The following LHFPL6 variants were observed in gnomAD, a reference collection of about 807,000 sequenced individuals.
LHFPL6 encodes the protein LHFPL tetraspan subfamily member 6 protein.
Under a neutral mutation model 20.6 loss-of-function variants are expected in LHFPL6, and 9 were observed. The ratio of observed to expected loss-of-function variants is 0.44; its 90% CI spans 0.26 to 0.76. The LOEUF (loss-of-function observed/expected upper bound fraction) is 0.76, where lower values mean the gene tolerates loss of function less well. Ranked by LOEUF, LHFPL6 falls within the 30% of genes least tolerant of loss-of-function variation. The probability of loss-of-function intolerance (pLI) is 0.20; values close to 1 mark genes in which losing one functional copy is unlikely to be tolerated. For missense variants in LHFPL6, 218 were observed against 253.5 expected, an observed-to-expected ratio of 0.86 and a Z score of 0.95; for synonymous variants, 105 against 98.7, an observed-to-expected ratio of 1.06 and a Z score of -0.38.
At chr13:39,379,038 C>T (rs374212980) in intron 2 of LHFPL6, among the ~76,000 whole-genome samples, 7 of 152,044 alleles carry the variant, frequency 4.6e-5, no homozygotes, top group South Asian at 2.1e-4. Context: ...AACCTCTGAA[C>T]GGTACTGCCC....
intron 2 of LHFPL6, among the ~76,000 whole-genome samples, chr13:39,547,853 G>A (rs547721219): frequency 1.4e-4 from 21 of 151,976 alleles, no homozygotes; most frequent in Non-Finnish European, 2.8e-4. Flanking sequence ...GTATTTAAAT[G>A]ATCAGAATCA....
chr13:39,524,614 A>G (rs989989914), intron 2 of LHFPL6, among the ~76,000 whole-genome samples: 16 of 152,242 alleles, frequency 1.1e-4, no homozygotes, highest in African/African-American at 3.4e-4. Context: ...CCGGTCATTT[A>G]TAAAACCCCT....
At chr13:39,376,086 T>C (rs1020742182) in intron 3 of LHFPL6, among the ~76,000 whole-genome samples, 4 of 152,152 alleles carry the variant, frequency 2.6e-5, no homozygotes, top group African/African-American at 4.8e-5. Flanking sequence ...GCTGGGGACA[T>C]ACAAAATACT....
chr13:39,533,486 G>A (rs538036893), intron 2 of LHFPL6, among the ~76,000 whole-genome samples: 9 of 152,198 alleles, frequency 5.9e-5, no homozygotes, highest in East Asian at 3.9e-4. Flanking sequence ...GCCCCACATC[G>A]CTTTCACCCA....
intron 2 of LHFPL6, among the ~76,000 whole-genome samples, chr13:39,582,581 T>C (rs139951934): frequency 1.8e-4 from 28 of 152,322 alleles, no homozygotes; most frequent in African/African-American, 6.7e-4. Context: ...GATCTGAACG[T>C]ACCCTTGCCT....
chr13:39,495,779 ATTTTTTTTTTTT>A (rs10558170), intron 2 of LHFPL6, among the ~76,000 whole-genome samples: 3 of 89,542 alleles, frequency 3.4e-5, no homozygotes, highest in East Asian at 2.8e-4. Flanking sequence ...TAACTCAATA[ATTTTTTTTTTTT>A]TTTTTTTTTT....
intron 2 of LHFPL6, among the ~76,000 whole-genome samples, chr13:39,427,442 G>A (rs914549882): frequency 6.6e-6 from 1 of 152,176 alleles, no homozygotes; most frequent in African/African-American, 2.4e-5. Flanking sequence ...AGCTGTGGAA[G>A]TTCCCATCTA....
chr13:39,498,665 T>C (rs1466410882), intron 2 of LHFPL6, among the ~76,000 whole-genome samples: 5 of 152,072 alleles, frequency 3.3e-5, no homozygotes, highest in African/African-American at 1.2e-4. Flanking sequence ...CCCCCAAATA[T>C]CTAATTTAAC....
chr13:39,519,192 G>C (rs1312124652), intron 2 of LHFPL6, among the ~76,000 whole-genome samples: 1 of 151,812 alleles, frequency 6.6e-6, no homozygotes, highest in African/African-American at 2.4e-5. Context: ...GCCGAGACCA[G>C]GCCACTGCAC....
chr13:39,482,299 C>T (rs2138446178), intron 2 of LHFPL6, among the ~76,000 whole-genome samples: 1 of 152,250 alleles, frequency 6.6e-6, no homozygotes, highest in Non-Finnish European at 1.5e-5. Flanking sequence ...CAAAAACTGG[C>T]CTGGCATGGT....
chr13:39,413,125 C>T (rs141652169), intron 2 of LHFPL6, among the ~76,000 whole-genome samples: 95 of 152,226 alleles, frequency 6.2e-4, no homozygotes, highest in African/African-American at 2.1e-3. Flanking sequence ...ACAATATATG[C>T]ATCGCTAAGT....
At chr13:39,455,178 A>G (rs1566115258) in intron 2 of LHFPL6, among the ~76,000 whole-genome samples, 2 of 152,122 alleles carry the variant, frequency 1.3e-5, no homozygotes, top group Non-Finnish European at 2.9e-5. Flanking sequence ...AAAAAAACCA[A>G]GTCAAGTGGT....
At chr13:39,487,305 G>T (rs181520733) in intron 2 of LHFPL6, among the ~76,000 whole-genome samples, 97 of 152,166 alleles carry the variant, frequency 6.4e-4, no homozygotes, top group Non-Finnish European at 1.2e-4. Context: ...TGCCTTTTTG[G>T]CTTAATTTTT....
intron 2 of LHFPL6, among the ~76,000 whole-genome samples, chr13:39,540,841 G>T (rs997960885): frequency 6.6e-6 from 1 of 152,078 alleles, no homozygotes; most frequent in Non-Finnish European, 1.5e-5. Flanking sequence ...ATAAAGAACA[G>T]TTTACCAAAG....
At chr13:39,505,008 G>C (rs552702843) in intron 2 of LHFPL6, among the ~76,000 whole-genome samples, 1 of 152,298 alleles carries the variant, frequency 6.6e-6, no homozygotes, top group African/African-American at 2.4e-5. Context: ...CATCAACTAG[G>C]AAAGATGAAA....
At chr13:39,554,474 G>A (rs1871240861) in intron 2 of LHFPL6, among the ~76,000 whole-genome samples, 1 of 152,176 alleles carries the variant, frequency 6.6e-6, no homozygotes, top group South Asian at 2.1e-4. Context: ...CCTACAGAAT[G>A]TTCTGAACAG....
rs574334649 is a variant in LHFPL6, at chr13:39,400,640, G to A, written c.386-22114C>T. 1.5e-3 allele frequency among the ~76,000 whole-genome samples: 229 copies of A among 150,702 alleles called. 3 individuals carry two copies. In the South Asian group the frequency reaches 0.03, roughly 20 times the overall value. The stretch of plus-strand genomic sequence containing the variant: ...CTACTAAAAATACAAAAAATTAGCC[G>A]GGCGTAGTGGCGGGCGCCTGTAGTC... On this transcript the variant is annotated intron_variant, in intron 2 of 3. Transcript: ENST00000379589.
At position 39,555,940 on chromosome 13, in the gene LHFPL6, T is replaced by G. The variant is rs148934895; in HGVS notation, c.385+44892A>C. On this transcript the variant is annotated intron_variant, in intron 2 of 3. Transcript: ENST00000379589. ...TACCATCCCCTTGGTGGTAAGTGAG[T>G]TCTCACTCAATTAGTTCACATGAGA... Among the ~76,000 whole-genome samples, 356 of 152,148 alleles carry G rather than the reference T, an allele frequency of 2.3e-3. 2 individuals are homozygous for G. The highest frequency in any genetic ancestry group is 7.8e-3 in the African/African-American group (324 of 41,496).
In LHFPL6 at chr13:39,602,965, A is replaced by T. The variant is rs1373304103; in HGVS notation, c.-257T>A. 6.6e-6 allele frequency: 1 copy of T among 152,136 alleles called. No homozygotes were observed. Among genetic ancestry groups the T allele is most frequent in the East Asian group, 1.9e-4 (1 of 5,138 alleles). 9.4% of individuals were successfully genotyped at this position (152,136 alleles called of 1,614,324 possible). A position where few individuals can be genotyped will look rare whatever the true frequency, so the allele number is the denominator to read the frequency against. On this transcript the variant is annotated 5_prime_UTR_variant, in exon 1 of 4. Transcript: ENST00000379589. ...CTGTCTTTCTCGGGCGGGAACATCCACGGGAAACCGGACCGTCCTGCCCTT... is the reference window on the plus strand; with the variant it reads ...CTGTCTTTCTCGGGCGGGAACATCCTCGGGAAACCGGACCGTCCTGCCCTT...
Sources: gnomAD v4.1 joint callset for allele counts (sites outside exome capture counted in the v4.1 genomes callset) on GRCh38, gnomAD v4.1.1 for gene constraint, MANE v1.5 for transcripts, NCBI Gene and HGNC (gene_info 2026-07-23, HGNC 2026-07-21) for gene names.